NDOR1: variants seen among roughly 807,000 people sequenced by gnomAD.
The protein encoded by NDOR1 is NADPH dependent diflavin oxidoreductase 1, also known as NADPH-dependent diflavin oxidoreductase 1.
NDOR1 carries 61 observed loss-of-function variants against 67.2 expected under a neutral mutation model. That is an observed-to-expected ratio of 0.91 (90% CI 0.74 to 1.12). The LOEUF (loss-of-function observed/expected upper bound fraction) is 1.12, where lower values mean the gene tolerates loss of function less well. Ranked by LOEUF, NDOR1 falls within the 50% of genes most tolerant of loss-of-function variation. NDOR1 has a pLI of 0.00. For synonymous variants in NDOR1, 378 were observed against 343.7 expected (o/e 1.10, Z -1.10); for missense variants, 878 against 802.8 (o/e 1.09, Z -1.13).
Position 137,205,700 on chromosome 9 carries a change from G to A in NDOR1, c.-78G>A, listed in dbSNP as rs1030715651. 5.7e-6 allele frequency: 9 copies of A among 1,588,438 alleles called. No individual in the cohort carries two copies. The highest frequency in any genetic ancestry group is 7.7e-6 in the Non-Finnish European group (9 of 1,172,614). ...CGGTCGACGGCGGAAGGCGGAAGGC[G>A]GAGCGGTCCCTGCAACCCGGCCGGC... On this transcript the variant is annotated 5_prime_UTR_variant, in exon 1 of 14. Coordinates refer to ENST00000684003, the MANE Select transcript of NDOR1 (RefSeq NM_014434.4).
intron 5 of NDOR1, 65 bp downstream of exon 5, chr9:137,214,133 T>TGGGTCCCTCCCGTGTGGGTGGG (rs1835403736): frequency 1.3e-6 from 2 of 1,536,060 alleles, no homozygotes; most frequent in African/African-American, 2.7e-5. Context: ...GACCTCGCCC[T>TGGGTCCCTCCCGTGTGGGTGGG]GGGTCCCTCC....
At position 137,214,223 on chromosome 9, in the gene NDOR1, C is replaced by T. The variant is rs774941618; in HGVS notation, c.532C>T (p.Leu178=). The change falls in exon 6 of 14, where the codon CTG becomes TTG. Residue 178 remains leucine, a synonymous_variant. Transcript: ENST00000684003. The part of the protein sequence containing the change: ...PGVPLPSKFT[L]LFLQEAPSTG... The stretch of plus-strand genomic sequence containing the variant: ...CCACAGCCTGCCCTCCAAGTTCACC[C>T]TGCTGTTCCTCCAAGAGGCACCCAG... 6.2e-7 allele frequency: 1 copy of T among 1,612,356 alleles called. No homozygotes were observed. Among genetic ancestry groups the T allele is most frequent in the Non-Finnish European group, 8.5e-7 (1 of 1,179,866 alleles).
intron 2 of NDOR1, among the ~76,000 whole-genome samples, chr9:137,206,777 G>A (rs1329246129): frequency 6.6e-6 from 1 of 152,160 alleles, no homozygotes; most frequent in African/African-American, 2.4e-5. Context: ...CCTGCTGCTG[G>A]GGAAAGTAGC....
intron 2 of NDOR1, among the ~76,000 whole-genome samples, chr9:137,211,831 C>G (rs1407320064): frequency 2.0e-5 from 3 of 151,622 alleles, no homozygotes; most frequent in Admixed American, 2.0e-4. Flanking sequence ...AGACCACGCA[C>G]ACAGGCCACC....
rs763478741 is a variant in NDOR1 at position 137,216,301 on chromosome 9, C to T, written c.1679C>T (p.Ser560Leu). Reference protein sequence around the residue: ...GNAKSMPADVSEALMSIFQEE... With the variant: ...GNAKSMPADVLEALMSIFQEE... Reference sequence around the variant, plus strand: ...GCCAAGTCCATGCCAGCGGACGTCTCGGAAGCCCTGATGTCCATCTTCCAG... The same window carrying T: ...GCCAAGTCCATGCCAGCGGACGTCTTGGAAGCCCTGATGTCCATCTTCCAG... The change falls in exon 14 of 14, where the codon TCG becomes TTG. Residue 560 changes from serine (S) to leucine (L), a missense_variant. Transcript: ENST00000684003. The T allele has an allele frequency of 3.7e-6, 6 of 1,612,504 alleles. No homozygotes were observed. Among genetic ancestry groups the T allele is most frequent in the East Asian group, 4.5e-5 (2 of 44,886 alleles).
At position 137,216,175 on chromosome 9, in the gene NDOR1, T is replaced by A. The variant is rs201673229; in HGVS notation, c.1636T>A (p.Phe546Ile). Residue 546 changes from phenylalanine to isoleucine, a missense_variant, in exon 13 of 14, where the codon TTC (phenylalanine) becomes ATC (isoleucine). Coordinates refer to ENST00000684003, the MANE Select transcript of NDOR1 (RefSeq NM_014434.4). Reference sequence around the variant, plus strand: ...ACTGCTGGACCGCCAGGGTGCATACTTCTACCTGGCAGGGTGAGCTGGCCT... The same window carrying A: ...ACTGCTGGACCGCCAGGGTGCATACATCTACCTGGCAGGGTGAGCTGGCCT... ...WELLDRQGAY[F>I]YLAGNAKSMP... 6.2e-7 allele frequency: 1 copy of A among 1,613,476 alleles called. No homozygotes were observed.
At chr9:137,208,040 G>A (rs964908960) in intron 2 of NDOR1, among the ~76,000 whole-genome samples, 1 of 151,806 alleles carries the variant, frequency 6.6e-6, no homozygotes, top group Non-Finnish European at 1.5e-5. Context: ...CCAGCTACTC[G>A]GGAGGCTGAG....
At chr9:137,209,481 C>T (rs956569006) in intron 2 of NDOR1, among the ~76,000 whole-genome samples, 4 of 152,078 alleles carry the variant, frequency 2.6e-5, no homozygotes, top group East Asian at 1.9e-4. Context: ...AACGAGGAAA[C>T]GAAGAGTCCC....
Position 137,218,670 on chromosome 9 carries a change from G to C in NDOR1, c.*2254G>C. ...CAGACTGGCCCACGTCCCCATGCCT[G>C]GGTGCTGTGAGGCCTGATGACCAGG... On this transcript the variant is annotated 3_prime_UTR_variant, in exon 14 of 14. Coordinates refer to ENST00000684003, the MANE Select transcript of NDOR1 (RefSeq NM_014434.4). The C allele has an allele frequency of 2.5e-6, 1 of 398,396 alleles. No individual in the cohort carries two copies. 24.7% of individuals were successfully genotyped at this position (398,396 alleles called of 1,614,324 possible). A position where few individuals can be genotyped will look rare whatever the true frequency, so the allele number is the denominator to read the frequency against.
chr9:137,207,941 G>A (rs1324978335), intron 2 of NDOR1, among the ~76,000 whole-genome samples: 7 of 151,782 alleles, frequency 4.6e-5, no homozygotes, highest in Non-Finnish European at 8.8e-5. Context: ...TCAGGAGTTC[G>A]AGACCAGCCT....
Position 137,216,401 on chromosome 9 carries a change from A to G in NDOR1, c.1779A>G (p.Thr593=), listed in dbSNP as rs1318688739. 6.2e-7 allele frequency: 1 copy of G among 1,604,524 alleles called. No homozygotes were observed. The highest frequency in any genetic ancestry group is 8.5e-7 in the Non-Finnish European group (1 of 1,179,360). The change falls in exon 14 of 14, where the codon ACA becomes ACG. Residue 593 remains threonine, a synonymous_variant. Transcript: ENST00000684003. ...ARLQQTRRFQ[T]ETWA Reference sequence around the variant, plus strand: ...TCCAGCAGACACGGCGCTTCCAGACAGAGACGTGGGCCTGAGGCCCGCGGC... The same window carrying G: ...TCCAGCAGACACGGCGCTTCCAGACGGAGACGTGGGCCTGAGGCCCGCGGC...
At position 137,205,883 on chromosome 9, in the gene NDOR1, C is replaced by A. The variant is rs747513395; in HGVS notation, c.106C>A (p.Arg36=). ...GGCCCGGCGCCGGCGGCTTGGCTGC[C>A]GGGTGCAGGCCCTGGACTCCTACCC... ...REARRRRLGC[R]VQALDSYPVV... The change falls in exon 1 of 14, where the codon CGG becomes AGG. Residue 36 remains arginine (R), a synonymous_variant. Transcript: ENST00000684003. 2 of 1,598,132 alleles carry A rather than the reference C, an allele frequency of 1.3e-6. No homozygotes were observed. The highest frequency in any genetic ancestry group is 3.3e-5 in the Admixed American group (2 of 59,830).
intron 1 of NDOR1, 85 bp from the exon 2 acceptor site, chr9:137,206,147 A>G: frequency 1.3e-6 from 2 of 1,546,966 alleles, no homozygotes; most frequent in Admixed American, 3.3e-5. Flanking sequence ...TGTCAGCCTG[A>G]GTAAAGGAGA....
intron 2 of NDOR1, among the ~76,000 whole-genome samples, chr9:137,210,353 G>T (rs1456947675): frequency 1.3e-5 from 2 of 152,032 alleles, no homozygotes; most frequent in Admixed American, 1.3e-4. Flanking sequence ...CTCCTGGGTA[G>T]CAGGGACTGC....
In NDOR1 at chr9:137,213,706, C is replaced by T. The variant is rs1835372704; in HGVS notation, c.312-74C>T. ...CCACTCTTCGCCCGGGCTCCACTCT[C>T]CCGGGTTCCACTCTGCCTGGGCACC... On this transcript the variant is annotated intron_variant, in intron 3 of 13. Transcript: ENST00000684003. 4.1e-6 allele frequency: 6 copies of T among 1,458,750 alleles called. No homozygotes were observed. The Admixed American group carries it at 6.5e-5, about 16-fold the overall frequency. 90.4% of individuals were successfully genotyped at this position (1,458,750 alleles called of 1,614,324 possible). A position where few individuals can be genotyped will look rare whatever the true frequency, so the allele number is the denominator to read the frequency against.
At chr9:137,209,125 C>T (rs187899729) in intron 2 of NDOR1, among the ~76,000 whole-genome samples, 11 of 152,278 alleles carry the variant, frequency 7.2e-5, no homozygotes, top group Non-Finnish European at 1.6e-4. Context: ...TCGTGATCCA[C>T]CTGCCTCAGC....
chr9:137,218,058 A>G lies in NDOR1; in HGVS notation c.*1642A>G. The G allele has an allele frequency of 2.5e-6, 1 of 399,328 alleles. No homozygotes were observed. The highest frequency in any genetic ancestry group is 4.4e-6 in the Non-Finnish European group (1 of 226,558). 24.7% of individuals were successfully genotyped at this position (399,328 alleles called of 1,614,324 possible). On this transcript the variant is annotated 3_prime_UTR_variant, in exon 14 of 14. Transcript: ENST00000684003. ...GAGGGGAGAGAGCAGGCAGCAGGGC[A>G]GGGGGAAGAGGAGGAGTGCCCGATC... is the stretch of plus-strand genomic sequence containing the variant.
In NDOR1 at chr9:137,216,865, C is replaced by T. The variant is rs766639127; in HGVS notation, c.*449C>T. 40 of 212,352 alleles carry T rather than the reference C, an allele frequency of 1.9e-4. No homozygotes were observed. Among genetic ancestry groups the T allele is most frequent in the Non-Finnish European group, 3.7e-4 (39 of 104,012 alleles). 13.2% of individuals were successfully genotyped at this position (212,352 alleles called of 1,614,324 possible). A position where few individuals can be genotyped will look rare whatever the true frequency, so the allele number is the denominator to read the frequency against. ...CAGCACATTCCAGTCACTGCCCCCG[C>T]ACTCCCACAGGGCTCAGGCTGGGCT... is the stretch of plus-strand genomic sequence containing the variant. On this transcript the variant is annotated 3_prime_UTR_variant, in exon 14 of 14. Transcript: ENST00000684003.
chr9:137,214,455 C>T (rs776535516), intron 6 of NDOR1, 42 bp downstream of exon 6: 2 of 1,545,116 alleles, frequency 1.3e-6, no homozygotes, highest in Non-Finnish European at 1.7e-6. Flanking sequence ...GTGAGGTGGG[C>T]CGTGGGTCTG....
Sources: gnomAD v4.1 joint callset for allele counts (sites outside exome capture counted in the v4.1 genomes callset) on GRCh38, gnomAD v4.1.1 for gene constraint, MANE v1.5 for transcripts, NCBI Gene and HGNC (gene_info 2026-07-23, HGNC 2026-07-21) for gene names.